The following RB1CC1 variants were observed in gnomAD, a reference collection of about 807,000 sequenced individuals.
The protein encoded by RB1CC1 is RB1 inducible coiled-coil 1.
A neutral mutation model predicts 177.5 loss-of-function variants in RB1CC1; 46 were observed. The ratio of observed to expected loss-of-function variants is 0.26; its 90% CI spans 0.20 to 0.33. The LOEUF is 0.33. Ranked by LOEUF, RB1CC1 falls within the 10% of genes least tolerant of loss-of-function variation. RB1CC1 has a pLI of 1.00. For missense variants in RB1CC1, 1,703 were observed against 1,816.3 expected, an observed-to-expected ratio of 0.94 and a Z score of 1.13; for synonymous variants, 666 against 613.6, an observed-to-expected ratio of 1.09 and a Z score of -1.26.
Position 52,676,585 on chromosome 8 carries a change from G to T in RB1CC1, c.370-14C>A. ...TTCATACATTTCCTATATTGAAAAA[G>T]AATACAAAAGAAAGTAAAAGAAGGC... On this transcript the variant is annotated splice_polypyrimidine_tract_variant and intron_variant, in intron 5 of 23. Transcript: ENST00000025008. 2 of 1,583,596 alleles carry T rather than the reference G, an allele frequency of 1.3e-6. No homozygotes were observed. Among genetic ancestry groups the T allele is most frequent in the Non-Finnish European group, 1.7e-6 (2 of 1,161,022 alleles).
rs550625535 is a variant in RB1CC1 at position 52,676,701 on chromosome 8, T to C, written c.370-130A>G. ...CATTTAACAAAGTATTTCAAAGGAC[T>C]GTTTTAGTTTATCTCTGTTCTCTTC... is the stretch of plus-strand genomic sequence containing the variant. On this transcript the variant is annotated intron_variant, in intron 5 of 23. Transcript: ENST00000025008. 2.8e-4 allele frequency: 231 copies of C among 837,614 alleles called. 2 individuals carry two copies. Among genetic ancestry groups the C allele is most frequent in the Admixed American group, 9.4e-4 (33 of 34,968 alleles). 51.9% of individuals were successfully genotyped at this position (837,614 alleles called of 1,614,324 possible).
chr8:52,641,915 C>T (rs1223638129), intron 18 of RB1CC1, among the ~76,000 whole-genome samples: 2 of 151,820 alleles, frequency 1.3e-5, no homozygotes, highest in African/African-American at 4.8e-5. Flanking sequence ...AGCTCTGCCA[C>T]GATTTCAATG....
intron 1 of RB1CC1, among the ~76,000 whole-genome samples, chr8:52,707,098 T>A (rs1189460137): frequency 2.0e-5 from 3 of 152,254 alleles, no homozygotes; most frequent in Non-Finnish European, 2.9e-5. Context: ...TTCATTTGAT[T>A]ACAAAAAGTA....
At position 52,656,870 on chromosome 8, in the gene RB1CC1, G is replaced by A; in HGVS notation, c.2959C>T (p.His987Tyr). 3 of 1,613,416 alleles carry A rather than the reference G, an allele frequency of 1.9e-6. No homozygotes were observed. Among genetic ancestry groups the A allele is most frequent in the Non-Finnish European group, 2.5e-6 (3 of 1,179,942 alleles). Residue 987 changes from histidine (H) to tyrosine (Y), a missense_variant, in exon 15 of 24, where the codon CAT becomes TAT. His to Tyr is a moderately conservative substitution (Grantham distance 83). This residue lies in a region of RB1CC1 where 1,169 missense variants were observed against 1,184.7 expected (regional missense o/e 0.99). Coordinates refer to ENST00000025008, the MANE Select transcript of RB1CC1 (RefSeq NM_014781.5). ...AGTGTGTCCTCTAATTCCTTTAGATGACTTTGCTCCAAGGACTGAAGTTCT... is the reference window on the plus strand; with the variant it reads ...AGTGTGTCCTCTAATTCCTTTAGATAACTTTGCTCCAAGGACTGAAGTTCT... ...RAELQSLEQS[H>Y]LKELEDTLQV...
At chr8:52,698,987 G>A (rs1006404211) in intron 1 of RB1CC1, among the ~76,000 whole-genome samples, 6 of 151,918 alleles carry the variant, frequency 3.9e-5, no homozygotes, top group African/African-American at 4.8e-5. Flanking sequence ...CAGCGCACCC[G>A]GCCTTCAATA....
intron 1 of RB1CC1, among the ~76,000 whole-genome samples, chr8:52,697,174 C>T (rs1000152223): frequency 2.0e-5 from 3 of 151,740 alleles, no homozygotes; most frequent in Non-Finnish European, 4.4e-5. Flanking sequence ...TATGTACCTA[C>T]GGTTTCCAGT....
At chr8:52,651,844 T>C (rs1377736880) in intron 15 of RB1CC1, among the ~76,000 whole-genome samples, 1 of 152,196 alleles carries the variant, frequency 6.6e-6, no homozygotes, top group African/African-American at 2.4e-5. Context: ...GACCAACTCA[T>C]GACGCTATAA....
At chr8:52,665,285 G>A (rs985858745) in intron 8 of RB1CC1, among the ~76,000 whole-genome samples, 13 of 152,088 alleles carry the variant, frequency 8.5e-5, no homozygotes, top group African/African-American at 3.1e-4. Flanking sequence ...AAAATGTGGC[G>A]AATGACAATT....
chr8:52,642,738 C>T lies in RB1CC1; in HGVS notation c.4062G>A (p.Leu1354=). 1.3e-6 allele frequency: 2 copies of T among 1,581,992 alleles called. No homozygotes were observed. The highest frequency in any genetic ancestry group is 4.5e-5 in the East Asian group (2 of 44,622). Residue 1354 remains leucine, a synonymous_variant, in exon 17 of 24, where the codon TTG becomes TTA. Coordinates refer to ENST00000025008, the MANE Select transcript of RB1CC1 (RefSeq NM_014781.5). ...ENIINDLSDK[L]KSTMQQQERD... ...GTTCTTGTTGCTGCATTGTACTTTT[C>T]AACTTATCACTAAGATCATTTATTA...
chr8:52,649,469 T>C (rs1056658493), intron 15 of RB1CC1, among the ~76,000 whole-genome samples: 1 of 152,174 alleles, frequency 6.6e-6, no homozygotes, highest in Non-Finnish European at 1.5e-5. Context: ...GTCTTGATGC[T>C]TGAACTCTTA....
intron 18 of RB1CC1, among the ~76,000 whole-genome samples, chr8:52,638,948 T>G (rs1849357707): frequency 6.6e-6 from 1 of 152,176 alleles, no homozygotes; most frequent in Non-Finnish European, 1.5e-5. Context: ...ATACCAATAA[T>G]GTACTGCATT....
intron 18 of RB1CC1, among the ~76,000 whole-genome samples, chr8:52,636,766 G>A (rs527951865): frequency 1.5e-4 from 23 of 152,166 alleles, no homozygotes; most frequent in African/African-American, 5.5e-4. Context: ...CTGCGCATAT[G>A]GTGAGGAAAG....
chr8:52,635,739 T>C (rs16918017), intron 19 of RB1CC1, among the ~76,000 whole-genome samples: 4,452 of 152,216 alleles, frequency 0.029, 244 homozygotes, highest in African/African-American at 0.1. Context: ...ACTTTACACA[T>C]TGATTTAATA....
chr8:52,631,210 G>C (rs1032434348), intron 20 of RB1CC1, among the ~76,000 whole-genome samples: 5 of 152,152 alleles, frequency 3.3e-5, no homozygotes, highest in Non-Finnish European at 5.9e-5. Context: ...TTGAGTCTTT[G>C]AAGAGGAACT....
chr8:52,697,425 T>C (rs1165553638), intron 1 of RB1CC1, among the ~76,000 whole-genome samples: 3 of 152,206 alleles, frequency 2.0e-5, no homozygotes, highest in African/African-American at 4.8e-5. Context: ...ATAACATTTT[T>C]GGGATAAATG....
Position 52,628,113 on chromosome 8 carries a change from C to T in RB1CC1, c.4555G>A (p.Val1519Met). Residue 1519 changes from valine to methionine, a missense_variant, in exon 22 of 24, where the codon GTG (valine) becomes ATG (methionine). Coordinates refer to ENST00000025008, the MANE Select transcript of RB1CC1 (RefSeq NM_014781.5). ...AAAGTAGGACTAACAGTAAATAACACATAATTGTCATGGCGTTCGTCTAGG... is the reference window on the plus strand; with the variant it reads ...AAAGTAGGACTAACAGTAAATAACATATAATTGTCATGGCGTTCGTCTAGG... ...IILDERHDNYVLFTVSPTLYF... is the reference protein window; with the variant it reads ...IILDERHDNYMLFTVSPTLYF... 6.2e-7 allele frequency: 1 copy of T among 1,607,082 alleles called. No individual in the cohort carries two copies. The highest frequency in any genetic ancestry group is 8.5e-7 in the Non-Finnish European group (1 of 1,174,456).
rs114971995 is a variant in RB1CC1 at position 52,639,637 on chromosome 8, C to T, written c.4337+2714G>A. On this transcript the variant is annotated intron_variant, in intron 18 of 23. Transcript: ENST00000025008. ...ACAAATAAAAAGAAGTTCCCATCTACTCCTAGTTTGCTAAGGATTTTGTTA... is the reference window on the plus strand; with the variant it reads ...ACAAATAAAAAGAAGTTCCCATCTATTCCTAGTTTGCTAAGGATTTTGTTA... Among the ~76,000 whole-genome samples the T allele has an allele frequency of 6.8e-3, 1,038 of 152,278 alleles. 16 individuals carry two copies. The highest frequency in any genetic ancestry group is 0.024 in the African/African-American group (985 of 41,556).
intron 1 of RB1CC1, among the ~76,000 whole-genome samples, chr8:52,700,194 C>T (rs189919139): frequency 2.6e-5 from 4 of 152,122 alleles, no homozygotes; most frequent in African/African-American, 4.8e-5. Context: ...CAGTCTTTCA[C>T]GGTGGTAAGA....
chr8:52,626,826 G>T (rs1465389274), intron 22 of RB1CC1, among the ~76,000 whole-genome samples: 1 of 152,026 alleles, frequency 6.6e-6, no homozygotes, highest in Non-Finnish European at 1.5e-5. Context: ...GGGGAAAGTG[G>T]CCTAGTTCAA....
Sources: gnomAD v4.1 joint callset for allele counts (sites outside exome capture counted in the v4.1 genomes callset) on GRCh38, gnomAD v4.1.1 for gene constraint, gnomAD v4.1.1 regional missense constraint, MANE v1.5 for transcripts, NCBI Gene and HGNC (gene_info 2026-07-23, HGNC 2026-07-21) for gene names.